The following PUDP variants were observed in gnomAD, a reference collection of about 807,000 sequenced individuals.
The protein encoded by PUDP is pseudouridine 5'-phosphatase.
Under a neutral mutation model 9.4 loss-of-function variants are expected in PUDP, and 8 were observed. The observed-to-expected ratio is 0.85, with a 90% confidence interval of 0.50 to 1.53. The LOEUF (loss-of-function observed/expected upper bound fraction) is 1.53, where lower values mean the gene tolerates loss of function less well. PUDP is among the 40% of genes most tolerant of loss of function. The pLI is 0.00. For missense variants in PUDP, 188 were observed against 189.7 expected (o/e 0.99, Z 0.05); for synonymous variants, 99 against 80.7 (o/e 1.23, Z -1.22).
upstream of PUDP, among the ~76,000 whole-genome samples, chrX:6,723,432 C>CA (rs549361509): frequency 0.11 from 1,839 of 17,264 alleles, 334 homozygotes; most frequent in Non-Finnish European, 0.15. Context: ...GAGGCTCTGT[C>CA]AAAAAAAAAA....
intron 3 of PUDP, among the ~76,000 whole-genome samples, chrX:6,769,814 A>G (rs1206427689): frequency 8.9e-6 from 1 of 112,235 alleles, no homozygotes. Flanking sequence ...GTACTTAAAT[A>G]AATAGCAATT....
intron 2 of PUDP, among the ~76,000 whole-genome samples, chrX:7,083,993 T>C (rs913735661): frequency 1.8e-5 from 2 of 112,202 alleles, no homozygotes; most frequent in Non-Finnish European, 3.8e-5. Flanking sequence ...AACTGCCTGA[T>C]TGATATTGCT....
intron 1 of PUDP, among the ~76,000 whole-genome samples, chrX:7,026,212 C>T (rs962890511): frequency 9.8e-5 from 11 of 112,001 alleles, no homozygotes; most frequent in African/African-American, 2.9e-4. Flanking sequence ...AATCATGGCA[C>T]GGTAGTGATG....
At chrX:7,046,965 G>A (rs140147262), downstream of PUDP, among the ~76,000 whole-genome samples, 2,910 of 111,748 alleles carry the variant, frequency 0.026, 44 homozygotes, top group Middle Eastern at 0.055. Context: ...TGGGCATTTT[G>A]CAATGAAGAA....
chrX:6,898,948 A>G (rs1173350951), intron 3 of PUDP, among the ~76,000 whole-genome samples: 1 of 111,458 alleles, frequency 9.0e-6, no homozygotes, highest in Non-Finnish European at 1.9e-5. Flanking sequence ...CTGTCTTACT[A>G]TCCTACCCAA....
intron 3 of PUDP, among the ~76,000 whole-genome samples, chrX:6,749,267 C>T (rs1240569726): frequency 8.9e-6 from 1 of 111,742 alleles, no homozygotes; most frequent in African/African-American, 3.3e-5. Context: ...GCAGCAGCAT[C>T]GGGATTGTGC....
chrX:7,026,105 G>A (rs1929705599), intron 1 of PUDP, among the ~76,000 whole-genome samples: 1 of 112,086 alleles, frequency 8.9e-6, no homozygotes, highest in South Asian at 3.8e-4. Flanking sequence ...GTTCTATAAT[G>A]CATAACCTCT....
intron 3 of PUDP, among the ~76,000 whole-genome samples, chrX:6,918,700 G>A (rs997969374): frequency 8.9e-6 from 1 of 111,768 alleles, no homozygotes; most frequent in Non-Finnish European, 1.9e-5. Flanking sequence ...TCTTTTCACT[G>A]TAACCTCACG....
chrX:7,045,256 G>A (rs1486541757), downstream of PUDP, among the ~76,000 whole-genome samples: 2 of 112,758 alleles, frequency 1.8e-5, no homozygotes, highest in African/African-American at 6.5e-5. Context: ...GGCCTCCCCA[G>A]CCACACAAAG....
chrX:6,859,491 G>A (rs968301587), intron 3 of PUDP, among the ~76,000 whole-genome samples: 1 of 108,399 alleles, frequency 9.2e-6, no homozygotes, highest in East Asian at 3.4e-4. Context: ...GTTTTGAAAG[G>A]CCACAAGAAT....
chrX:6,713,524 A>G (rs1924558484), intron 1 of PUDP, among the ~76,000 whole-genome samples: 1 of 112,303 alleles, frequency 8.9e-6, no homozygotes, highest in Non-Finnish European at 1.9e-5. Flanking sequence ...TGTTCTGAAC[A>G]TGTTTAAGGC....
chrX:6,856,406 C>T (rs1035517325), intron 3 of PUDP, among the ~76,000 whole-genome samples: 5 of 111,628 alleles, frequency 4.5e-5, no homozygotes, highest in Admixed American at 2.9e-4. Flanking sequence ...GCATGCATGC[C>T]GAAATTCATT....
chrX:7,093,443 C>G (rs1156825958), intron 2 of PUDP, among the ~76,000 whole-genome samples: 2 of 112,144 alleles, frequency 1.8e-5, no homozygotes, highest in African/African-American at 6.5e-5. Context: ...TTTGTGCAAC[C>G]ATTTCTACTA....
intron 1 of PUDP, among the ~76,000 whole-genome samples, chrX:6,994,909 T>C (rs1929230789): frequency 9.0e-6 from 1 of 110,711 alleles, no homozygotes; most frequent in Non-Finnish European, 1.9e-5. Flanking sequence ...AATAATGGCA[T>C]AGGGGATCCA....
chrX:6,727,482 G>A (rs908434256), intron 3 of PUDP, among the ~76,000 whole-genome samples: 1 of 112,054 alleles, frequency 8.9e-6, no homozygotes, highest in Non-Finnish European at 1.9e-5. Flanking sequence ...CTTCAAAGAA[G>A]GCAAATTTCC....
intron 3 of PUDP, among the ~76,000 whole-genome samples, chrX:6,797,598 T>C (rs1276555293): frequency 1.8e-5 from 2 of 110,825 alleles, no homozygotes; most frequent in African/African-American, 3.3e-5. Context: ...AAAACTGAGA[T>C]CTCCAGCTAA....
intron 3 of PUDP, among the ~76,000 whole-genome samples, chrX:6,804,962 G>A (rs181228796): frequency 4.5e-5 from 5 of 111,648 alleles, no homozygotes; most frequent in Admixed American, 2.9e-4. Context: ...TCTCATGGCC[G>A]GTGAAAAAAC....
intron 3 of PUDP, among the ~76,000 whole-genome samples, chrX:6,872,136 A>C (rs745725136): frequency 5.4e-5 from 6 of 110,598 alleles, no homozygotes; most frequent in Non-Finnish European, 1.1e-4. Flanking sequence ...TCTTAACATC[A>C]TCACCTTGGG....
At chrX:6,921,340 T>C (rs969819175) in intron 3 of PUDP, among the ~76,000 whole-genome samples, 6 of 109,892 alleles carry the variant, frequency 5.5e-5, no homozygotes, top group African/African-American at 2.0e-4. Context: ...GCCACGATCA[T>C]GCCACTGCAC....
Sources: gnomAD v4.1 joint callset for allele counts (sites outside exome capture counted in the v4.1 genomes callset) on GRCh38, gnomAD v4.1.1 for gene constraint, MANE v1.5 for transcripts, NCBI Gene and HGNC (gene_info 2026-07-23, HGNC 2026-07-21) for gene names.